The following DLGAP1 variants were observed in gnomAD, a reference collection of about 807,000 sequenced individuals.
DLGAP1 encodes DLG associated protein 1.
DLGAP1 carries 11 observed loss-of-function variants against 90.8 expected under a neutral mutation model. The observed-to-expected ratio is 0.12, with a 90% confidence interval of 0.08 to 0.20. The LOEUF is 0.20. DLGAP1 is among the 10% of genes least tolerant of loss of function. DLGAP1 has a pLI of 1.00. For synonymous variants in DLGAP1, 558 were observed against 540.7 expected (o/e 1.03, Z -0.44); for missense variants, 1,050 against 1,333.8 (o/e 0.79, Z 3.31).
At chr18:4,273,609 A>T (rs1168792999) in intron 1 of DLGAP1, among the ~76,000 whole-genome samples, 2 of 152,106 alleles carry the variant, frequency 1.3e-5, no homozygotes, top group African/African-American at 4.8e-5. Flanking sequence ...TGCCTGGCTA[A>T]TTTTTTGTGG....
chr18:4,349,052 C>T (rs1336534389), intron 1 of DLGAP1, among the ~76,000 whole-genome samples: 1 of 151,962 alleles, frequency 6.6e-6, no homozygotes, highest in Non-Finnish European at 1.5e-5. Flanking sequence ...ACCATAAGAT[C>T]CTTATTAGCT....
chr18:3,884,739 C>T (rs2071265684), intron 3 of DLGAP1, among the ~76,000 whole-genome samples: 1 of 152,208 alleles, frequency 6.6e-6, no homozygotes, highest in African/African-American at 2.4e-5. Context: ...ACAGGACAAG[C>T]ACCTCTATTT....
chr18:3,535,699 T>C (rs1411894247), intron 9 of DLGAP1, among the ~76,000 whole-genome samples: 2 of 141,676 alleles, frequency 1.4e-5, no homozygotes, highest in Non-Finnish European at 3.0e-5. Context: ...CAGAGTGAGA[T>C]TCTGTCTCAA....
chr18:3,807,349 G>A (rs3850801), intron 5 of DLGAP1, among the ~76,000 whole-genome samples: 79,475 of 151,888 alleles, frequency 0.52, 23,802 homozygotes, highest in Non-Finnish European at 0.67. Context: ...TCAACTTTCC[G>A]TCCAGCTTTT....
chr18:4,294,729 C>A (rs2079933724), intron 1 of DLGAP1: 1 of 152,296 alleles, frequency 6.6e-6, no homozygotes, highest in African/African-American at 2.4e-5. Flanking sequence ...TTTCTGTATT[C>A]TGAGCTCTTA....
chr18:3,895,453 C>T (rs1459075638), intron 3 of DLGAP1, among the ~76,000 whole-genome samples: 1 of 152,152 alleles, frequency 6.6e-6, no homozygotes, highest in East Asian at 1.9e-4. Context: ...TTTTCCCTCA[C>T]TTGATATCAT....
chr18:3,932,825 C>A (rs946121579), intron 3 of DLGAP1, among the ~76,000 whole-genome samples: 1 of 152,040 alleles, frequency 6.6e-6, no homozygotes, highest in African/African-American at 2.4e-5. Context: ...AAAAAAAATT[C>A]AAGAAAGAAA....
intron 3 of DLGAP1, among the ~76,000 whole-genome samples, chr18:3,910,837 C>T (rs2072017367): frequency 6.6e-6 from 1 of 152,062 alleles, no homozygotes; most frequent in Non-Finnish European, 1.5e-5. Context: ...GAATAGGAAT[C>T]TTTCTGATGA....
In DLGAP1 at chr18:3,767,403, T is replaced by C. The variant is rs185322203; in HGVS notation, c.1173-24891A>G. 2.8e-3 allele frequency among the ~76,000 whole-genome samples: 431 copies of C among 152,222 alleles called. 2 individuals carry two copies. Among genetic ancestry groups the C allele is most frequent in the Non-Finnish European group, 4.3e-3 (293 of 67,990 alleles). On this transcript the variant is annotated intron_variant, in intron 5 of 12. Transcript: ENST00000315677. The stretch of plus-strand genomic sequence containing the variant: ...ACATTCCCATTATAAAATGAATTTT[T>C]ATAAAGCTAGCATTACCCTAATATC...
intron 1 of DLGAP1, among the ~76,000 whole-genome samples, chr18:4,205,148 G>A (rs901857083): frequency 2.0e-5 from 3 of 152,146 alleles, no homozygotes; most frequent in Non-Finnish European, 2.9e-5. Context: ...GGAGGTAATA[G>A]GAAGCTTTTC....
At chr18:3,962,869 C>CT (rs767758653) in intron 3 of DLGAP1, among the ~76,000 whole-genome samples, 5 of 152,056 alleles carry the variant, frequency 3.3e-5, no homozygotes, top group South Asian at 4.2e-4. Context: ...ATTGTCTTTG[C>CT]TTTTTTTTCT....
chr18:4,364,297 C>T (rs939819069), intron 1 of DLGAP1, among the ~76,000 whole-genome samples: 4 of 147,090 alleles, frequency 2.7e-5, no homozygotes. Flanking sequence ...AGGAGATATA[C>T]CTAATGCTAA....
intron 5 of DLGAP1, among the ~76,000 whole-genome samples, chr18:3,767,011 T>A (rs2064278151): frequency 6.6e-6 from 1 of 152,076 alleles, no homozygotes; most frequent in African/African-American, 2.4e-5. Flanking sequence ...ATAAAATGGA[T>A]AATTTTTGCA....
chr18:3,746,805 T>C (rs535821542), intron 5 of DLGAP1, among the ~76,000 whole-genome samples: 13 of 152,244 alleles, frequency 8.5e-5, no homozygotes, highest in Non-Finnish European at 1.5e-4. Context: ...TACATCCATC[T>C]TGATGTCCTC....
intron 2 of DLGAP1, among the ~76,000 whole-genome samples, chr18:4,150,807 T>C: frequency 6.6e-6 from 1 of 152,276 alleles, no homozygotes; most frequent in East Asian, 1.9e-4. Flanking sequence ...TTGTTCAATA[T>C]GCTAAGAAAA....
intron 3 of DLGAP1, among the ~76,000 whole-genome samples, chr18:3,979,997 G>T (rs571039788): frequency 6.6e-6 from 1 of 152,088 alleles, no homozygotes; most frequent in Non-Finnish European, 1.5e-5. Flanking sequence ...TTAGCCAGGC[G>T]TGGTGGCAGG....
intron 3 of DLGAP1, among the ~76,000 whole-genome samples, chr18:3,968,547 C>T (rs1235382922): frequency 2.0e-5 from 3 of 152,206 alleles, no homozygotes; most frequent in South Asian, 4.1e-4. Context: ...CAGACCATCA[C>T]GGAAGTTTTA....
intron 1 of DLGAP1, among the ~76,000 whole-genome samples, chr18:4,360,150 T>TA (rs1208890507): frequency 1.3e-5 from 2 of 152,138 alleles, no homozygotes; most frequent in Non-Finnish European, 2.9e-5. Context: ...TGGAATTACT[T>TA]AGAGGAAGAA....
intron 1 of DLGAP1, chr18:4,430,853 A>G (rs1488857940): frequency 6.6e-6 from 1 of 152,478 alleles, no homozygotes; most frequent in African/African-American, 2.4e-5. Context: ...GAGTCATCTG[A>G]AATTGTGATT....
Sources: allele counts gnomAD v4.1 joint callset (sites outside exome capture counted in the v4.1 genomes callset), GRCh38; gene constraint gnomAD v4.1.1; transcripts MANE v1.5; gene names NCBI Gene and HGNC (gene_info 2026-07-23, HGNC 2026-07-21).